The following RASSF3 variants were observed in gnomAD, a reference collection of about 807,000 sequenced individuals.
RASSF3 encodes the protein Ras association domain family member 3.
A neutral mutation model predicts 19.9 loss-of-function variants in RASSF3; 19 were observed. The ratio of observed to expected loss-of-function variants is 0.96; its 90% CI spans 0.67 to 1.40. The LOEUF is 1.40. RASSF3 is among the 40% of genes most tolerant of loss of function. The pLI, the probability that RASSF3 is intolerant of heterozygous loss-of-function variation, is 0.00. For synonymous variants in RASSF3, 110 were observed against 104.2 expected, an observed-to-expected ratio of 1.06 and a Z score of -0.34; for missense variants, 306 against 289.8, an observed-to-expected ratio of 1.06 and a Z score of -0.41.
At chr12:64,657,051 C>A (rs779565951) in intron 1 of RASSF3, among the ~76,000 whole-genome samples, 12 of 151,090 alleles carry the variant, frequency 7.9e-5, no homozygotes, top group Non-Finnish European at 1.5e-4. Flanking sequence ...ACTCTGTCGC[C>A]CAGGCTGGAG....
At chr12:64,603,305 T>A (rs1293802890) in intron 2 of RASSF3, among the ~76,000 whole-genome samples, 1 of 152,140 alleles carries the variant, frequency 6.6e-6, no homozygotes, top group African/African-American at 2.4e-5. Flanking sequence ...ATCAAGGATT[T>A]TTTCATCAGG....
At chr12:64,649,706 T>C (rs1871871532) in intron 1 of RASSF3, among the ~76,000 whole-genome samples, 1 of 152,192 alleles carries the variant, frequency 6.6e-6, no homozygotes, top group African/African-American at 2.4e-5. Context: ...AAAGTCGTCA[T>C]GCTTAACACT....
At chr12:64,566,007 C>T (rs1405525560) in intron 2 of RASSF3, among the ~76,000 whole-genome samples, 7 of 152,110 alleles carry the variant, frequency 4.6e-5, no homozygotes, top group Non-Finnish European at 1.0e-4. Flanking sequence ...TCGAGACCAG[C>T]CTGGCCAACA....
Position 64,694,990 on chromosome 12 carries a change from C to T in RASSF3, c.*78C>T. 6.7e-7 allele frequency: 1 copy of T among 1,500,086 alleles called. No homozygotes were observed. The highest frequency in any genetic ancestry group is 9.1e-7 in the Non-Finnish European group (1 of 1,099,728). The allele number at this position is 1,500,086 out of a possible 1,614,324, so 92.9% of individuals were successfully genotyped here. A position where few individuals can be genotyped will look rare whatever the true frequency, so the allele number is the denominator to read the frequency against. On this transcript the variant is annotated 3_prime_UTR_variant, in exon 5 of 5. Coordinates refer to ENST00000542104, the MANE Select transcript of RASSF3 (RefSeq NM_178169.4). ...AGCAAGTGCCTCTCTTCTCAGAGGG[C>T]TGCTGTCTTGCCCCACTATGCTAGG... is the stretch of plus-strand genomic sequence containing the variant.
intron 1 of RASSF3, among the ~76,000 whole-genome samples, chr12:64,674,481 C>T (rs796195930): frequency 2.0e-5 from 3 of 152,188 alleles, no homozygotes; most frequent in African/African-American, 4.8e-5. Flanking sequence ...TTTGGGAGGC[C>T]GAGGTAGGAG....
chr12:64,660,092 A>G (rs1872303296), intron 1 of RASSF3, among the ~76,000 whole-genome samples: 1 of 144,718 alleles, frequency 6.9e-6, no homozygotes, highest in Non-Finnish European at 1.6e-5. Flanking sequence ...ATATATACAC[A>G]TACACGCACA....
chr12:64,666,413 CAG>C, intron 1 of RASSF3, among the ~76,000 whole-genome samples: 1 of 152,104 alleles, frequency 6.6e-6, no homozygotes, highest in South Asian at 2.1e-4. Context: ...TTAACTGAAA[CAG>C]ACTCTAAAAA....
At chr12:64,630,121 T>A (rs1871127996) in intron 1 of RASSF3, 1 of 152,188 alleles carries the variant, frequency 6.6e-6, no homozygotes, top group African/African-American at 2.4e-5. Context: ...AATTTACACA[T>A]AGGCATTCCA....
In RASSF3 at chr12:64,574,350, C is replaced by T. The variant is rs73317577; in HGVS notation, c.294+32645C>T. Among the ~76,000 whole-genome samples, 535 of 151,690 alleles carry T rather than the reference C, an allele frequency of 3.5e-3. 1 individual carries two copies. The highest frequency in any genetic ancestry group is 0.012 in the African/African-American group (496 of 41,362). On this transcript the variant is annotated intron_variant, in intron 2 of 5. Transcript: ENST00000637125. ...AGAAATATTTGATAAAATTTAATAT[C>T]CACTGATGATAAAAATCCTTAGCAA...
chr12:64,544,301 T>C (rs1869012983), downstream of RASSF3, among the ~76,000 whole-genome samples: 1 of 151,214 alleles, frequency 6.6e-6, no homozygotes, highest in Non-Finnish European at 1.5e-5. Flanking sequence ...ACTTCGAAGG[T>C]CTGCAGCTTC....
intron 2 of RASSF3, among the ~76,000 whole-genome samples, chr12:64,569,587 G>A (rs1231180619): frequency 6.6e-6 from 1 of 152,228 alleles, no homozygotes; most frequent in African/African-American, 2.4e-5. Flanking sequence ...GAATTCTGTG[G>A]GCTGATCCAA....
intron 1 of RASSF3, among the ~76,000 whole-genome samples, chr12:64,679,339 G>T (rs933674776): frequency 3.3e-5 from 5 of 152,216 alleles, no homozygotes; most frequent in African/African-American, 7.2e-5. Context: ...GATTACGGGC[G>T]TGAGCCACCG....
chr12:64,654,321 A>AT (rs535946603), intron 1 of RASSF3: 41 of 148,614 alleles, frequency 2.8e-4, no homozygotes, highest in South Asian at 2.6e-3. Flanking sequence ...CGCCCAGCTA[A>AT]TTTTTTTTTT....
intron 1 of RASSF3, chr12:64,541,462 T>C: frequency 2.5e-6 from 1 of 396,470 alleles, no homozygotes; most frequent in Non-Finnish European, 4.4e-6. Flanking sequence ...TCATTTTTAT[T>C]ATTCCAGGTT....
chr12:64,545,178 G>A (rs1869033122), downstream of RASSF3, among the ~76,000 whole-genome samples: 1 of 152,210 alleles, frequency 6.6e-6, no homozygotes, highest in South Asian at 2.1e-4. Context: ...GATGCAGCTT[G>A]TAATTTAATA....
intron 2 of RASSF3, among the ~76,000 whole-genome samples, chr12:64,581,214 C>T (rs1045099254): frequency 6.6e-6 from 1 of 152,044 alleles, no homozygotes; most frequent in Non-Finnish European, 1.5e-5. Context: ...AGTAGTTCTG[C>T]CTACACTGAG....
At chr12:64,635,824 A>G (rs567324544) in intron 1 of RASSF3, among the ~76,000 whole-genome samples, 3 of 152,262 alleles carry the variant, frequency 2.0e-5, no homozygotes, top group Non-Finnish European at 2.9e-5. Flanking sequence ...ATGGGAAGGG[A>G]CATTAAAAGG....
chr12:64,512,972 A>G (rs954728477), intron 1 of RASSF3, among the ~76,000 whole-genome samples: 9 of 152,108 alleles, frequency 5.9e-5, no homozygotes, highest in African/African-American at 2.2e-4. Context: ...CTCATCCATA[A>G]AGTGAAGCTG....
chr12:64,552,965 C>T (rs1869191145), intron 2 of RASSF3, among the ~76,000 whole-genome samples: 1 of 152,134 alleles, frequency 6.6e-6, no homozygotes, highest in African/African-American at 2.4e-5. Context: ...AATCCCAGTA[C>T]TTTGGGAGGC....
Sources: gnomAD v4.1 joint callset for allele counts (sites outside exome capture counted in the v4.1 genomes callset) on GRCh38, gnomAD v4.1.1 for gene constraint, MANE v1.5 for transcripts, NCBI Gene and HGNC (gene_info 2026-07-23, HGNC 2026-07-21) for gene names.